The following FTO variants were observed in gnomAD, a reference collection of about 807,000 sequenced individuals.
FTO encodes the protein FTO alpha-ketoglutarate dependent dioxygenase, also known as alpha-ketoglutarate-dependent dioxygenase FTO.
A neutral mutation model predicts 63.9 loss-of-function variants in FTO; 47 were observed. The observed-to-expected ratio is 0.74, with a 90% CI of 0.58 to 0.94. The LOEUF is 0.94. FTO is among the 40% of genes least tolerant of loss of function. The pLI is 0.00. For synonymous variants in FTO, 207 were observed against 224.4 expected, an observed-to-expected ratio of 0.92 and a Z score of 0.69; for missense variants, 562 against 618.1, an observed-to-expected ratio of 0.91 and a Z score of 0.96.
At chr16:53,739,726 T>TTGTCTTTTTTGTC (rs1325039867) in intron 1 of FTO, among the ~76,000 whole-genome samples, 4 of 152,164 alleles carry the variant, frequency 2.6e-5, no homozygotes, top group African/African-American at 9.7e-5. Flanking sequence ...ATTAGTATGA[T>TTGTCTTTTTTGTC]TGTATCTTTT....
At chr16:53,792,472 C>T (rs1161079273) in intron 1 of FTO, among the ~76,000 whole-genome samples, 2 of 152,204 alleles carry the variant, frequency 1.3e-5, no homozygotes, top group Middle Eastern at 3.2e-3. Context: ...ACTGAGGTCA[C>T]TTATAGTGAC....
chr16:53,795,717 A>T (rs973888854), intron 1 of FTO, among the ~76,000 whole-genome samples: 4 of 152,200 alleles, frequency 2.6e-5, no homozygotes, highest in African/African-American at 9.7e-5. Flanking sequence ...AATTTAAGGG[A>T]TATAGAGGAA....
chr16:53,873,652 A>G (rs1598879630), intron 4 of FTO, 134 bp from the exon 5 acceptor site: 3 of 673,798 alleles, frequency 4.5e-6, no homozygotes, highest in East Asian at 3.0e-5. Context: ...AATACAAGGT[A>G]AGTATTGATT....
At chr16:53,885,168 T>C (rs1361793088) in intron 6 of FTO, among the ~76,000 whole-genome samples, 1 of 152,236 alleles carries the variant, frequency 6.6e-6, no homozygotes, top group African/African-American at 2.4e-5. Flanking sequence ...TTTTGTGCAG[T>C]GTCCATGCTG....
intron 8 of FTO, 84 bp from the exon 9 acceptor site, chr16:54,111,678 C>G (rs961910604): frequency 2.1e-6 from 3 of 1,406,730 alleles, no homozygotes; most frequent in African/African-American, 2.8e-5. Context: ...GGAGCATTGG[C>G]CAGTGTTGCT....
At chr16:53,862,148 T>A (rs1009997013) in intron 4 of FTO, among the ~76,000 whole-genome samples, 1 of 152,158 alleles carries the variant, frequency 6.6e-6, no homozygotes, top group African/African-American at 2.4e-5. Flanking sequence ...CTCAGGAGGC[T>A]GAGGCAGGAG....
intron 8 of FTO, among the ~76,000 whole-genome samples, chr16:54,038,555 A>AC (rs1395330372): frequency 1.3e-5 from 2 of 151,806 alleles, no homozygotes; most frequent in African/African-American, 4.8e-5. Flanking sequence ...TTGAAATGTG[A>AC]CCCCCATTGT....
chr16:53,821,108 C>T (rs1598746224), intron 2 of FTO, among the ~76,000 whole-genome samples: 1 of 152,004 alleles, frequency 6.6e-6, no homozygotes, highest in Non-Finnish European at 1.5e-5. Context: ...TGTTGAGACC[C>T]AGTGTATGTT....
At chr16:54,069,378 A>G (rs1453330686) in intron 8 of FTO, among the ~76,000 whole-genome samples, 5 of 152,146 alleles carry the variant, frequency 3.3e-5, no homozygotes, top group African/African-American at 1.2e-4. Context: ...AGCCTACCTA[A>G]TCTAGTGATT....
At chr16:53,999,768 T>C (rs1227350293) in intron 8 of FTO, 15 of 152,236 alleles carry the variant, frequency 9.9e-5, no homozygotes, top group African/African-American at 3.6e-4. Context: ...AATGGAAAAG[T>C]GGATTTTCTC....
At chr16:54,059,054 A>G (rs934068099) in intron 8 of FTO, among the ~76,000 whole-genome samples, 3 of 152,252 alleles carry the variant, frequency 2.0e-5, no homozygotes, top group African/African-American at 7.2e-5. Context: ...TACAGATGAT[A>G]AAGATGTTTC....
At chr16:53,730,899 T>C (rs1207346328) in intron 1 of FTO, among the ~76,000 whole-genome samples, 1 of 152,236 alleles carries the variant, frequency 6.6e-6, no homozygotes, top group Non-Finnish European at 1.5e-5. Context: ...CTTGTTTCAT[T>C]TATTTTATCA....
intron 1 of FTO, among the ~76,000 whole-genome samples, chr16:53,804,279 C>T (rs2151721128): frequency 6.6e-6 from 1 of 152,280 alleles, no homozygotes; most frequent in East Asian, 1.9e-4. Context: ...TGCCTAATAT[C>T]TGCATAGTTT....
intron 5 of FTO, among the ~76,000 whole-genome samples, chr16:53,875,304 A>T (rs1307946336): frequency 1.3e-5 from 2 of 152,172 alleles, no homozygotes; most frequent in Admixed American, 6.5e-5. Context: ...TCTAATCCAG[A>T]AGAGTGGACA....
chr16:53,956,376 T>G (rs1230372588), intron 8 of FTO, among the ~76,000 whole-genome samples: 3 of 151,962 alleles, frequency 2.0e-5, no homozygotes, highest in Non-Finnish European at 2.9e-5. Flanking sequence ...TGGTCTATTA[T>G]GAAGCCTGTC....
At chr16:53,791,440 A>G (rs996076742) in intron 1 of FTO, among the ~76,000 whole-genome samples, 7 of 152,114 alleles carry the variant, frequency 4.6e-5, no homozygotes, top group African/African-American at 1.7e-4. Flanking sequence ...ACTTAAAGAG[A>G]TACCTATACA....
chr16:53,948,994 CACTATT>C (rs2082711721), intron 8 of FTO, among the ~76,000 whole-genome samples: 1 of 152,146 alleles, frequency 6.6e-6, no homozygotes, highest in Admixed American at 6.5e-5. Context: ...TTGAACTTGG[CACTATT>C]TCATCTTTCC....
chr16:53,858,567 G>A (rs2080075677), intron 4 of FTO, among the ~76,000 whole-genome samples: 1 of 152,090 alleles, frequency 6.6e-6, no homozygotes, highest in South Asian at 2.1e-4. Flanking sequence ...CCTTTTTTTA[G>A]AATTAACTTT....
In FTO at chr16:53,734,064, TA is replaced by T. The variant is rs1450053847; in HGVS notation, c.45+29836del. On this transcript the variant is annotated intron_variant, in intron 1 of 8. Coordinates refer to ENST00000471389, the MANE Select transcript of FTO (RefSeq NM_001080432.3). ...TGACAAAACGTATTTACAAAGTAAG[TA>T]GAATGGAAAAGTACCAAAAAAGCAT... Among the ~76,000 whole-genome samples, 3 of 152,196 alleles carry T rather than the reference TA, an allele frequency of 2.0e-5. No homozygotes were observed. In the East Asian group the frequency reaches 5.8e-4, roughly 29 times the overall value.
Sources: gnomAD v4.1 joint callset for allele counts (sites outside exome capture counted in the v4.1 genomes callset) on GRCh38, gnomAD v4.1.1 for gene constraint, MANE v1.5 for transcripts, NCBI Gene and HGNC (gene_info 2026-07-23, HGNC 2026-07-21) for gene names.